AP4E1: variants seen among roughly 807,000 people sequenced by gnomAD.
AP4E1 encodes adaptor related protein complex 4 subunit epsilon 1.
Under a neutral mutation model 128.2 loss-of-function variants are expected in AP4E1, and 56 were observed. The observed-to-expected ratio is 0.44, with a 90% CI of 0.35 to 0.55. The LOEUF is 0.55. Among genes scored for constraint, AP4E1 ranks in the 20% least tolerant of loss-of-function variants. The probability of loss-of-function intolerance (pLI) is 0.00; values close to 1 mark genes in which losing one functional copy is unlikely to be tolerated. For synonymous variants in AP4E1, 484 were observed against 473.1 expected (o/e 1.02, Z -0.30); for missense variants, 1,324 against 1,307.7 (o/e 1.01, Z -0.19).
At chr15:50,933,249 C>T (rs571863564) in intron 7 of AP4E1, among the ~76,000 whole-genome samples, 8 of 152,210 alleles carry the variant, frequency 5.3e-5, no homozygotes, top group Middle Eastern at 3.4e-3. Context: ...TTTGTCTCAA[C>T]TCTAATGAGA....
At position 50,927,038 on chromosome 15, in the gene AP4E1, A is replaced by G. The variant is rs150526413; in HGVS notation, c.542+1819A>G. On this transcript the variant is annotated intron_variant, in intron 5 of 20. Transcript: ENST00000261842. ...TGTTTAGAACGAAGGATGATTATGGACAATTAATTATTGGAAATATTTGCT... is the reference window on the plus strand; with the variant it reads ...TGTTTAGAACGAAGGATGATTATGGGCAATTAATTATTGGAAATATTTGCT... Among the ~76,000 whole-genome samples the G allele has an allele frequency of 2.1e-3, 325 of 152,328 alleles. 2 individuals are homozygous for G. The highest frequency in any genetic ancestry group is 7.6e-3 in the African/African-American group (315 of 41,574).
chr15:50,908,140 G>T (rs2141119910), upstream of AP4E1, among the ~76,000 whole-genome samples: 1 of 152,326 alleles, frequency 6.6e-6, no homozygotes, highest in Non-Finnish European at 1.5e-5. Flanking sequence ...GACGGGAAGC[G>T]ACAGTGGCCG....
intron 15 of AP4E1, among the ~76,000 whole-genome samples, chr15:50,979,010 A>T (rs1014328657): frequency 6.6e-6 from 1 of 152,000 alleles, no homozygotes; most frequent in Non-Finnish European, 1.5e-5. Flanking sequence ...TTGCTGTCCA[A>T]ATACTGTTCC....
intron 16 of AP4E1, among the ~76,000 whole-genome samples, chr15:50,987,933 G>A (rs939286204): frequency 2.6e-5 from 4 of 151,998 alleles, no homozygotes; most frequent in Admixed American, 6.6e-5. Context: ...AGCTTTATAC[G>A]TAGTAATAAT....
chr15:50,967,437 C>T (rs1317300544), intron 14 of AP4E1, among the ~76,000 whole-genome samples: 3 of 152,292 alleles, frequency 2.0e-5, no homozygotes, highest in East Asian at 3.9e-4. Flanking sequence ...GATAGGGCCA[C>T]AAATCAAGGA....
chr15:50,988,820 T>A (rs1277245572), intron 16 of AP4E1, among the ~76,000 whole-genome samples: 7 of 152,206 alleles, frequency 4.6e-5, no homozygotes, highest in Non-Finnish European at 1.5e-5. Context: ...CTATGGAAGC[T>A]GTATACTTTG....
chr15:50,935,646 C>G (rs2063898862), intron 8 of AP4E1, among the ~76,000 whole-genome samples: 1 of 152,088 alleles, frequency 6.6e-6, no homozygotes, highest in Non-Finnish European at 1.5e-5. Flanking sequence ...ATTTCTTAAT[C>G]TGGTAAAATA....
At chr15:50,977,715 T>TTGTTTTTG (rs1567250848) in intron 15 of AP4E1, among the ~76,000 whole-genome samples, 1 of 142,182 alleles carries the variant, frequency 7.0e-6, no homozygotes, top group African/African-American at 2.6e-5. Context: ...GGTTTTTTTT[T>TTGTTTTTG]TTTTTTTTTT....
intron 15 of AP4E1, among the ~76,000 whole-genome samples, chr15:50,971,537 A>G (rs2064478637): frequency 6.6e-6 from 1 of 151,986 alleles, no homozygotes; most frequent in Non-Finnish European, 1.5e-5. Context: ...TATTTTCTTC[A>G]TATCTTCCCT....
chr15:50,928,551 G>A (rs1009682108), intron 5 of AP4E1, among the ~76,000 whole-genome samples: 4 of 152,186 alleles, frequency 2.6e-5, no homozygotes, highest in African/African-American at 9.6e-5. Flanking sequence ...GCCTCCCAAA[G>A]TGCTGGGATT....
upstream of AP4E1, among the ~76,000 whole-genome samples, chr15:50,908,055 G>A (rs187699155): frequency 7.0e-4 from 106 of 152,314 alleles, 1 homozygote; most frequent in South Asian, 0.01. Flanking sequence ...ACCTGCTGAG[G>A]AGGAGTCGGC....
At chr15:50,981,504 C>T (rs1251631131) in intron 15 of AP4E1, among the ~76,000 whole-genome samples, 4 of 152,214 alleles carry the variant, frequency 2.6e-5, no homozygotes, top group African/African-American at 9.7e-5. Flanking sequence ...CTTTTAGTCT[C>T]ACCCATATCT....
chr15:50,917,173 C>A (rs79673051), intron 3 of AP4E1, among the ~76,000 whole-genome samples: 1,660 of 152,180 alleles, frequency 0.011, 27 homozygotes, highest in African/African-American at 0.039. Context: ...AGGAAAACAT[C>A]AAAAAGGAAA....
chr15:50,933,082 C>G (rs1045997879), intron 7 of AP4E1, among the ~76,000 whole-genome samples: 2 of 152,068 alleles, frequency 1.3e-5, no homozygotes, highest in African/African-American at 4.8e-5. Context: ...CTTCCTTTTT[C>G]TTGCCTTCAT....
At chr15:50,981,090 G>T (rs1164685990) in intron 15 of AP4E1, among the ~76,000 whole-genome samples, 1 of 152,130 alleles carries the variant, frequency 6.6e-6, no homozygotes, top group Admixed American at 6.5e-5. Context: ...TGGGAGTGGG[G>T]TCACTCCTGA....
intron 10 of AP4E1, chr15:50,946,081 A>G (rs945614106): frequency 1.6e-6 from 1 of 623,846 alleles, no homozygotes; most frequent in Non-Finnish European, 2.8e-6. Context: ...CTGGGACTAG[A>G]TTAATTGCAT....
intron 13 of AP4E1, among the ~76,000 whole-genome samples, chr15:50,958,096 A>C (rs575434167): frequency 6.6e-6 from 1 of 152,262 alleles, no homozygotes; most frequent in African/African-American, 2.4e-5. Flanking sequence ...TGGAGCCTAG[A>C]AATCTGTATT....
chr15:50,965,098 G>T (rs1459960826), intron 14 of AP4E1, among the ~76,000 whole-genome samples: 2 of 152,048 alleles, frequency 1.3e-5, no homozygotes, highest in Non-Finnish European at 2.9e-5. Flanking sequence ...CTGAACAGAT[G>T]CCGGTATCAT....
At chr15:50,915,871 A>G in intron 3 of AP4E1, 1 of 303,046 alleles carries the variant, frequency 3.3e-6, no homozygotes, top group Non-Finnish European at 6.2e-6. Context: ...TTGTATATAA[A>G]TTATATGTCT....
Sources: gnomAD v4.1 joint callset for allele counts (sites outside exome capture counted in the v4.1 genomes callset) on GRCh38, gnomAD v4.1.1 for gene constraint, MANE v1.5 for transcripts, NCBI Gene and HGNC (gene_info 2026-07-23, HGNC 2026-07-21) for gene names.